CDH4: variants seen among roughly 807,000 people sequenced by gnomAD.
CDH4 encodes the protein cadherin-4.
Under a neutral mutation model 86.0 loss-of-function variants are expected in CDH4, and 33 were observed. That is an observed-to-expected ratio of 0.38 (90% CI 0.29 to 0.51). The LOEUF (loss-of-function observed/expected upper bound fraction) is 0.51. Among genes scored for constraint, CDH4 ranks in the 20% least tolerant of loss-of-function variants. The probability of loss-of-function intolerance (pLI) is 0.86; values close to 1 mark genes in which losing one functional copy is unlikely to be tolerated. For missense variants in CDH4, 1,114 were observed against 1,307.4 expected, an observed-to-expected ratio of 0.85 and a Z score of 2.28; for synonymous variants, 555 against 549.4, an observed-to-expected ratio of 1.01 and a Z score of -0.14.
At chr20:61,603,593 A>G (rs547451091) in intron 2 of CDH4, among the ~76,000 whole-genome samples, 1 of 152,254 alleles carries the variant, frequency 6.6e-6, no homozygotes, top group South Asian at 2.1e-4. Flanking sequence ...CCGGGCCCTC[A>G]CCTGCTAGGT....
chr20:61,547,281 C>T (rs1392224181), intron 2 of CDH4, among the ~76,000 whole-genome samples: 1 of 142,970 alleles, frequency 7.0e-6, no homozygotes, highest in Non-Finnish European at 1.5e-5. Flanking sequence ...GGCTGGATCT[C>T]GGCTCACTGC....
rs892888043 is a variant in CDH4, at chr20:61,392,168, C to G, written c.169+137231C>G. Among the ~76,000 whole-genome samples the G allele has an allele frequency of 1.3e-5, 2 of 151,634 alleles. No homozygotes were observed. Among genetic ancestry groups the G allele is most frequent in the African/African-American group, 4.8e-5 (2 of 41,256 alleles). On this transcript the variant is annotated intron_variant, in intron 2 of 15. Coordinates refer to ENST00000614565, the MANE Select transcript of CDH4 (RefSeq NM_001794.5). This position sits in a 1 kb window ranked among gnomAD's most constrained non-coding sequence, Gnocchi z 5.7. Reference sequence around the variant, plus strand: ...AGGAGGTGAACCCGGGCATGTGACACGGTCACAGGGACTCCTCCAGTGGTT... The same window carrying G: ...AGGAGGTGAACCCGGGCATGTGACAGGGTCACAGGGACTCCTCCAGTGGTT...
intron 6 of CDH4, among the ~76,000 whole-genome samples, chr20:61,868,988 G>A (rs1983677727): frequency 6.6e-6 from 1 of 152,082 alleles, no homozygotes; most frequent in Non-Finnish European, 1.5e-5. Flanking sequence ...AGGCTGTGGT[G>A]GACACACACA....
chr20:61,852,207 C>T (rs1417611654), intron 5 of CDH4, among the ~76,000 whole-genome samples: 17 of 152,112 alleles, frequency 1.1e-4, no homozygotes, highest in Admixed American at 1.1e-3. Context: ...GAGCCTGGAA[C>T]TTGTCCAGGC....
At chr20:61,507,056 G>C (rs2085745972) in intron 2 of CDH4, among the ~76,000 whole-genome samples, 1 of 152,194 alleles carries the variant, frequency 6.6e-6, no homozygotes, top group Non-Finnish European at 1.5e-5. Context: ...CCCGTTTTGA[G>C]ACTTTTGAGT....
At chr20:61,744,162 T>G (rs2088380493) in intron 3 of CDH4, among the ~76,000 whole-genome samples, 1 of 152,206 alleles carries the variant, frequency 6.6e-6, no homozygotes, top group Non-Finnish European at 1.5e-5. Context: ...CAGGGCGTTC[T>G]GAAGCCTGGA....
chr20:61,651,038 T>C (rs1227335666), intron 2 of CDH4, among the ~76,000 whole-genome samples: 2 of 152,018 alleles, frequency 1.3e-5, no homozygotes, highest in Non-Finnish European at 2.9e-5. Flanking sequence ...TGCTTGGCCG[T>C]GCACTGGTGT....
At chr20:61,858,678 CCTTTTGGGATTGG>C (rs1195619131) in intron 6 of CDH4, among the ~76,000 whole-genome samples, 3 of 152,182 alleles carry the variant, frequency 2.0e-5, no homozygotes, top group Non-Finnish European at 4.4e-5. Flanking sequence ...CCGTGTGTTC[CCTTTTGGGATTGG>C]CTGTTTTCCT....
intron 2 of CDH4, among the ~76,000 whole-genome samples, chr20:61,321,449 ATGT>A (rs1228734398): frequency 7.8e-6 from 1 of 128,996 alleles, no homozygotes; most frequent in Non-Finnish European, 1.7e-5. Context: ...TGGAATGCTA[ATGT>A]TGTTAAGTTT....
intron 2 of CDH4, among the ~76,000 whole-genome samples, chr20:61,555,891 A>C (rs566693349): frequency 6.6e-6 from 1 of 152,216 alleles, no homozygotes; most frequent in Non-Finnish European, 1.5e-5. Context: ...TCGTGTGACA[A>C]TGTGATTCCA....
At chr20:61,354,746 G>A (rs1017093831) in intron 2 of CDH4, among the ~76,000 whole-genome samples, 11 of 152,198 alleles carry the variant, frequency 7.2e-5, no homozygotes, top group Non-Finnish European at 1.3e-4. Context: ...ACAGGACCTC[G>A]TTGGCTTATC....
rs2085698643 is a variant in CDH4, at chr20:61,501,217, C to A, written c.170-242346C>A. ...GGCGCTGCCATCCGCCATCTCCAGT[C>A]TCCTTATCTGATGTTTAGAGCTTCA... is the stretch of plus-strand genomic sequence containing the variant. On this transcript the variant is annotated intron_variant, in intron 2 of 15. Coordinates refer to ENST00000614565, the MANE Select transcript of CDH4 (RefSeq NM_001794.5). This position sits in a 1 kb window ranked among gnomAD's most constrained non-coding sequence, Gnocchi z 4.2. Among the ~76,000 whole-genome samples, 1 of 152,208 alleles carries A rather than the reference C, an allele frequency of 6.6e-6. No homozygotes were observed. Among genetic ancestry groups the A allele is most frequent in the South Asian group, 2.1e-4 (1 of 4,834 alleles).
At position 61,938,709 on chromosome 20, in the gene CDH4, T is replaced by G. The variant is rs530315824; in HGVS notation, c.*1766T>G. On this transcript the variant is annotated 3_prime_UTR_variant, in exon 16 of 16. Transcript: ENST00000614565. ...CACCTCAGCCTATGGCCCTTCCCCA[T>G]GGCTAAGGTCATGCCTTTTCTGAAC... The G allele has an allele frequency of 6.6e-6, 1 of 152,506 alleles. No homozygotes were observed. The highest frequency in any genetic ancestry group is 2.1e-4 in the South Asian group (1 of 4,832). 9.4% of individuals were successfully genotyped at this position (152,506 alleles called of 1,614,324 possible).
chr20:61,344,620 G>A (rs1282636023), intron 2 of CDH4, among the ~76,000 whole-genome samples: 1 of 152,182 alleles, frequency 6.6e-6, no homozygotes, highest in Non-Finnish European at 1.5e-5. Context: ...TAAGAGGTAA[G>A]CCATTGTGTT....
intron 2 of CDH4, among the ~76,000 whole-genome samples, chr20:61,371,090 G>A (rs573235359): frequency 4.2e-4 from 64 of 152,326 alleles, no homozygotes; most frequent in African/African-American, 1.5e-3. Context: ...GAATGGATTC[G>A]TTCTGTTTGG....
At chr20:61,276,340 T>A (rs1010132349) in intron 2 of CDH4, among the ~76,000 whole-genome samples, 8 of 152,194 alleles carry the variant, frequency 5.3e-5, no homozygotes, top group Non-Finnish European at 1.2e-4. Flanking sequence ...TTTATAGCAA[T>A]GTTGGGCTTA....
chr20:61,515,142 G>A (rs1305406373), intron 2 of CDH4, among the ~76,000 whole-genome samples: 1 of 152,248 alleles, frequency 6.6e-6, no homozygotes, highest in South Asian at 2.1e-4. Flanking sequence ...CCTTGCTTTT[G>A]CATTTTGGCA....
At chr20:61,495,960 G>C (rs377119790) in intron 2 of CDH4, among the ~76,000 whole-genome samples, 54 of 150,756 alleles carry the variant, frequency 3.6e-4, no homozygotes, top group African/African-American at 1.2e-3. Context: ...CACAGCAGGA[G>C]AGAGGAAGGG....
chr20:61,339,720 C>G (rs1354201658), intron 2 of CDH4, among the ~76,000 whole-genome samples: 1 of 152,180 alleles, frequency 6.6e-6, no homozygotes, highest in African/African-American at 2.4e-5. Context: ...CTTTGCCTTT[C>G]TCCAGACCTG....
Sources: gnomAD v4.1 joint callset for allele counts (sites outside exome capture counted in the v4.1 genomes callset) on GRCh38, gnomAD v4.1.1 for gene constraint, Gnocchi (gnomAD v3.1) non-coding constraint, MANE v1.5 for transcripts, NCBI Gene and HGNC (gene_info 2026-07-23, HGNC 2026-07-21) for gene names.